Variants in ASH1L observed in about 807,000 individuals in gnomAD.
The protein encoded by ASH1L is ASH1 like histone lysine methyltransferase.
In ASH1L, 23 loss-of-function variants were observed where a neutral mutation model predicts 269.0. The observed-to-expected ratio is 0.09, with a 90% CI of 0.06 to 0.12. ASH1L has a LOEUF of 0.12. ASH1L is among the 10% of genes least tolerant of loss of function. ASH1L has a pLI of 1.00. For missense variants in ASH1L, 2,912 were observed against 3,567.8 expected, an observed-to-expected ratio of 0.82 and a Z score of 4.68; for synonymous variants, 1,187 against 1,253.5, an observed-to-expected ratio of 0.95 and a Z score of 1.12.
At chr1:155,561,903 G>A (rs1671996517) in intron 1 of ASH1L, 1 of 405,324 alleles carries the variant, frequency 2.5e-6, no homozygotes, top group Non-Finnish European at 4.5e-6. Flanking sequence ...GGGCACAGCC[G>A]ACTCCGCCTC....
At chr1:155,512,163 C>G (rs1668202474) in intron 2 of ASH1L, among the ~76,000 whole-genome samples, 1 of 152,078 alleles carries the variant, frequency 6.6e-6, no homozygotes, top group South Asian at 2.1e-4. Context: ...GGAGAAAATA[C>G]TATCCTTTAT....
intron 3 of ASH1L, among the ~76,000 whole-genome samples, chr1:155,466,435 A>G (rs568437126): frequency 1.3e-5 from 2 of 152,316 alleles, no homozygotes; most frequent in East Asian, 3.9e-4. Flanking sequence ...CCCAAATGAC[A>G]TCATTCACTG....
In ASH1L at chr1:155,343,216, A is replaced by G. The variant is rs1417725873; in HGVS notation, c.8293+98T>C. On this transcript the variant is annotated intron_variant, in intron 24 of 27. Coordinates refer to ENST00000392403, the MANE Select transcript of ASH1L (RefSeq NM_018489.3). The surrounding 1 kb of genome is among the most constrained non-coding windows in gnomAD (Gnocchi z 6.1). ...GGCTGGTCTCACACTCCTGGGCTTA[A>G]GCAATCTGCCTGCCTCGGCCTCCCA... The G allele has an allele frequency of 2.2e-6, 3 of 1,381,224 alleles. No homozygotes were observed. The highest frequency in any genetic ancestry group is 2.0e-4 in the Middle Eastern group (1 of 5,078). The allele number at this position is 1,381,224 out of a possible 1,614,324, so 85.6% of individuals were successfully genotyped here.
At chr1:155,350,334 C>T (rs1355289954) in intron 17 of ASH1L, among the ~76,000 whole-genome samples, 1 of 152,108 alleles carries the variant, frequency 6.6e-6, no homozygotes, top group African/African-American at 2.4e-5. Context: ...AAATCCAAGT[C>T]TTTTTAAGGC....
chr1:155,417,123 C>T (rs552795411), intron 5 of ASH1L, among the ~76,000 whole-genome samples: 1 of 151,544 alleles, frequency 6.6e-6, no homozygotes, highest in Non-Finnish European at 1.5e-5. Flanking sequence ...TTAGTACAGA[C>T]AGGGTTTCAC....
At chr1:155,461,607 T>C (rs1225979627) in intron 3 of ASH1L, among the ~76,000 whole-genome samples, 1 of 151,772 alleles carries the variant, frequency 6.6e-6, no homozygotes, top group Non-Finnish European at 1.5e-5. Context: ...ATCTAAGAAA[T>C]AAAAAGCCCA....
At position 155,480,556 on chromosome 1, in the gene ASH1L, G is replaced by T. The variant is rs1326146382; in HGVS notation, c.2314C>A (p.His772Asn). 1.2e-6 allele frequency: 2 copies of T among 1,614,154 alleles called. No individual in the cohort carries two copies. The highest frequency in any genetic ancestry group is 2.2e-5 in the South Asian group (2 of 91,084). The change falls in exon 3 of 28, where the codon CAT becomes AAT. Residue 772 changes from histidine to asparagine, a missense_variant. This residue lies in a region of ASH1L where 715 missense variants were observed against 721.0 expected (regional missense o/e 0.99). Coordinates refer to ENST00000392403, the MANE Select transcript of ASH1L (RefSeq NM_018489.3). The part of the protein sequence containing the change: ...KNIGPPSFVD[H>N]DFLKRRLPKL... Reference sequence around the variant, plus strand: ...GGCAATCGGCGTTTAAGGAAGTCATGATCTACAAATGAAGGGGGTCCAATG... The same window carrying T: ...GGCAATCGGCGTTTAAGGAAGTCATTATCTACAAATGAAGGGGGTCCAATG...
At chr1:155,385,878 G>A (rs926033735) in intron 7 of ASH1L, among the ~76,000 whole-genome samples, 3 of 152,084 alleles carry the variant, frequency 2.0e-5, no homozygotes, top group Non-Finnish European at 4.4e-5. Context: ...TACTGCTAGG[G>A]AATGGTTAGA....
intron 1 of ASH1L, among the ~76,000 whole-genome samples, chr1:155,523,263 G>A (rs1338367154): frequency 6.6e-6 from 1 of 152,162 alleles, no homozygotes; most frequent in African/African-American, 2.4e-5. Flanking sequence ...CAGGGACTGA[G>A]GTGGGTGGAC....
chr1:155,456,426 T>C lies in ASH1L; in HGVS notation c.5086+3371A>G, dbSNP rs1663867228. Among the ~76,000 whole-genome samples the C allele has an allele frequency of 2.0e-5, 3 of 152,238 alleles. No homozygotes were observed. In the South Asian group the frequency reaches 6.2e-4, roughly 32 times the overall value. On this transcript the variant is annotated intron_variant, in intron 4 of 27. Transcript: ENST00000392403. Reference sequence around the variant, plus strand: ...TTCTTGATCTCTTTGTGACATCTAATGTTGACTAATCTATTCCATTCTGAA... The same window carrying C: ...TTCTTGATCTCTTTGTGACATCTAACGTTGACTAATCTATTCCATTCTGAA...
chr1:155,480,372 G>A lies in ASH1L; in HGVS notation c.2498C>T (p.Ser833Phe). ...CCCTTCCAGTTGAGGCATCTCCTTA[G>A]ATTTAGGCCTTCCTCTTTTGGGCTT... ...IYKPKRGRPKSKEMPQLEGPP... is the reference protein window; with the variant it reads ...IYKPKRGRPKFKEMPQLEGPP... Residue 833 changes from serine to phenylalanine, a missense_variant, in exon 3 of 28, where the codon TCT becomes TTT. Around this residue, in one of 13 missense-constraint regions of ASH1L, gnomAD observed 715 missense variants for 721.0 expected, o/e 0.99. Transcript: ENST00000392403. 2 of 1,614,028 alleles carry A rather than the reference G, an allele frequency of 1.2e-6. No homozygotes were observed. Among genetic ancestry groups the A allele is most frequent in the South Asian group, 2.2e-5 (2 of 91,078 alleles).
intron 1 of ASH1L, among the ~76,000 whole-genome samples, chr1:155,554,058 GT>G (rs1558220787): frequency 6.6e-6 from 1 of 150,528 alleles, no homozygotes; most frequent in African/African-American, 2.4e-5. Flanking sequence ...GCCACTCAAA[GT>G]GTAAGCCACT....
Position 155,344,264 on chromosome 1 carries a change from T to C in ASH1L, c.7900A>G (p.Met2634Val), listed in dbSNP as rs1037757184. 2 of 1,613,940 alleles carry C rather than the reference T, an allele frequency of 1.2e-6. No homozygotes were observed. Among genetic ancestry groups the C allele is most frequent in the Admixed American group, 1.7e-5 (1 of 59,982 alleles). Reference protein sequence around the residue: ...DPRPVDREVPMIPRPHYAQPG... With the variant: ...DPRPVDREVPVIPRPHYAQPG... ...TGGGCATAGTGGGGCCGAGGGATCA[T>C]GGGAACCTCCTGATAGGAGCAGAAA... Residue 2634 changes from methionine (M) to valine (V), a missense_variant, in exon 22 of 28, where the codon ATG becomes GTG. Coordinates refer to ENST00000392403, the MANE Select transcript of ASH1L (RefSeq NM_018489.3).
At chr1:155,495,203 C>T (rs1247047735) in intron 2 of ASH1L, among the ~76,000 whole-genome samples, 3 of 152,012 alleles carry the variant, frequency 2.0e-5, no homozygotes, top group Non-Finnish European at 2.9e-5. Flanking sequence ...GGGGTGACAG[C>T]TAGATGATGA....
chr1:155,514,486 A>G (rs1324334100), intron 2 of ASH1L, among the ~76,000 whole-genome samples: 1 of 152,172 alleles, frequency 6.6e-6, no homozygotes, highest in Non-Finnish European at 1.5e-5. Context: ...TATGTTATAT[A>G]TCATTTTAAT....
chr1:155,441,240 A>C (rs180787040), intron 4 of ASH1L, among the ~76,000 whole-genome samples: 1 of 152,090 alleles, frequency 6.6e-6, no homozygotes, highest in African/African-American at 2.4e-5. Context: ...ATTCAATAGA[A>C]GAATGTGATG....
At chr1:155,388,485 A>G (rs1185478930) in intron 7 of ASH1L, among the ~76,000 whole-genome samples, 6 of 151,782 alleles carry the variant, frequency 4.0e-5, no homozygotes, top group Admixed American at 3.9e-4. Context: ...AAATTTTTGT[A>G]TACATGGGTT....
intron 5 of ASH1L, among the ~76,000 whole-genome samples, chr1:155,432,054 TTTATA>T (rs2148597266): frequency 6.6e-6 from 1 of 152,344 alleles, no homozygotes; most frequent in Admixed American, 6.5e-5. Flanking sequence ...GCATTCTGGT[TTTATA>T]TTAATCAACA....
At chr1:155,357,834 G>C (rs945203881) in intron 13 of ASH1L, 85 bp from the exon 14 acceptor site, 7 of 1,319,594 alleles carry the variant, frequency 5.3e-6, no homozygotes, top group Middle Eastern at 2.7e-4. Context: ...ACAATAGTAT[G>C]ATCATGGCTC....
Sources: gnomAD v4.1 joint callset for allele counts (sites outside exome capture counted in the v4.1 genomes callset) on GRCh38, gnomAD v4.1.1 for gene constraint, gnomAD v4.1.1 regional missense constraint, Gnocchi (gnomAD v3.1) non-coding constraint, MANE v1.5 for transcripts, NCBI Gene and HGNC (gene_info 2026-07-23, HGNC 2026-07-21) for gene names.